The following MYO16 variants were observed in gnomAD, a reference collection of about 807,000 sequenced individuals.
MYO16 encodes the protein myosin XVI.
Under a neutral mutation model 205.3 loss-of-function variants are expected in MYO16, and 94 were observed. The ratio of observed to expected loss-of-function variants is 0.46; its 90% CI spans 0.39 to 0.54. The LOEUF (loss-of-function observed/expected upper bound fraction) is 0.54. MYO16 is among the 20% of genes least tolerant of loss of function. MYO16 has a pLI of 0.00. For missense variants in MYO16, 2,315 were observed against 2,387.5 expected, an observed-to-expected ratio of 0.97 and a Z score of 0.63; for synonymous variants, 988 against 954.0, an observed-to-expected ratio of 1.04 and a Z score of -0.66.
intron 23 of MYO16, among the ~76,000 whole-genome samples, chr13:109,037,612 A>G (rs866744068): frequency 2.0e-5 from 3 of 152,166 alleles, no homozygotes; most frequent in South Asian, 4.1e-4. Flanking sequence ...AGTAAAAACT[A>G]TGCAAAGGTA....
At chr13:108,817,715 AC>A (rs1875705792) in intron 7 of MYO16, among the ~76,000 whole-genome samples, 1 of 152,208 alleles carries the variant, frequency 6.6e-6, no homozygotes, top group African/African-American at 2.4e-5. Flanking sequence ...AGTGTCCAGC[AC>A]AACACAGTTG....
rs188158778 is a variant in MYO16, at chr13:108,677,762, G to T, written c.292+11613G>T. ...GCAAAACATGAAATCTGTCATTTCT[G>T]TCTCTTCACCATCAAGTTTTGATTA... On this transcript the variant is annotated intron_variant, in intron 2 of 34. Transcript: ENST00000457511. Among the ~76,000 whole-genome samples, 238 of 152,168 alleles carry T rather than the reference G, an allele frequency of 1.6e-3. 1 individual carries two copies. Among genetic ancestry groups the T allele is most frequent in the African/African-American group, 5.2e-3 (218 of 41,524 alleles).
chr13:108,953,890 G>A (rs1942680258), intron 16 of MYO16, among the ~76,000 whole-genome samples: 1 of 152,122 alleles, frequency 6.6e-6, no homozygotes, highest in Non-Finnish European at 1.5e-5. Context: ...TTTATGACAA[G>A]TTTTCTGGCT....
At chr13:109,059,075 G>T (rs192094424) in intron 27 of MYO16, among the ~76,000 whole-genome samples, 253 of 152,066 alleles carry the variant, frequency 1.7e-3, no homozygotes, top group Non-Finnish European at 2.9e-3. Context: ...TTCTATTGTT[G>T]TTTCCACCAC....
the MYO16 span, among the ~76,000 whole-genome samples, chr13:108,522,070 A>T: frequency 6.6e-6 from 1 of 152,192 alleles, no homozygotes; most frequent in East Asian, 1.9e-4. Context: ...GTGAAAACAA[A>T]TTGAAGGTCA....
intron 16 of MYO16, among the ~76,000 whole-genome samples, chr13:108,944,997 A>G (rs1263837000): frequency 6.6e-6 from 1 of 152,200 alleles, no homozygotes; most frequent in Non-Finnish European, 1.5e-5. Context: ...CTCTGAGTCA[A>G]CAAACATATT....
At chr13:109,000,810 A>T (rs1885187373) in intron 21 of MYO16, among the ~76,000 whole-genome samples, 1 of 152,070 alleles carries the variant, frequency 6.6e-6, no homozygotes, top group African/African-American at 2.4e-5. Flanking sequence ...TTCAATCCTG[A>T]TCTTAGCATA....
intron 1 of MYO16, among the ~76,000 whole-genome samples, chr13:108,601,948 T>G (rs9301307): frequency 0.36 from 55,353 of 151,794 alleles, 11,396 homozygotes; most frequent in Non-Finnish European, 0.46. Context: ...ATTCATATGT[T>G]GAACCGAAAT....
intron 20 of MYO16, among the ~76,000 whole-genome samples, chr13:108,987,155 A>T (rs1884669714): frequency 6.6e-6 from 1 of 152,218 alleles, no homozygotes; most frequent in South Asian, 2.1e-4. Flanking sequence ...GGAAAGGTGC[A>T]GGGAATGACT....
chr13:109,057,184 C>T (rs896630747), intron 27 of MYO16, among the ~76,000 whole-genome samples: 4 of 152,000 alleles, frequency 2.6e-5, no homozygotes, highest in South Asian at 2.1e-4. Flanking sequence ...GGAAATAAGC[C>T]GCATTTACTT....
intron 27 of MYO16, among the ~76,000 whole-genome samples, chr13:109,083,358 G>C (rs1334372718): frequency 8.6e-6 from 1 of 116,472 alleles, no homozygotes; most frequent in East Asian, 2.8e-4. Flanking sequence ...ACTCCAGCCT[G>C]GGCAAAAAGA....
chr13:109,194,135 C>G (rs1880046458), intron 34 of MYO16, among the ~76,000 whole-genome samples: 1 of 152,104 alleles, frequency 6.6e-6, no homozygotes, highest in Admixed American at 6.6e-5. Context: ...TTTTTATGCA[C>G]TTATGTCTTG....
chr13:108,896,246 A>G (rs989006193), intron 14 of MYO16, among the ~76,000 whole-genome samples: 3 of 152,198 alleles, frequency 2.0e-5, no homozygotes, highest in Admixed American at 1.3e-4. Context: ...ATAATTGTTT[A>G]ATGTAATATT....
At chr13:109,168,437 C>A (rs1455592562) in intron 33 of MYO16, among the ~76,000 whole-genome samples, 1 of 152,010 alleles carries the variant, frequency 6.6e-6, no homozygotes, top group Non-Finnish European at 1.5e-5. Flanking sequence ...AAAATTACAT[C>A]TCTAGGCCAG....
At chr13:109,163,270 G>A (rs117327497) in intron 32 of MYO16, among the ~76,000 whole-genome samples, 1,555 of 152,246 alleles carry the variant, frequency 0.01, 8 homozygotes, top group South Asian at 0.037. Flanking sequence ...TGCGGGAGAG[G>A]GCTTGAGTGC....
intron 32 of MYO16, among the ~76,000 whole-genome samples, chr13:109,148,944 T>A (rs1160509675): frequency 6.6e-6 from 1 of 152,102 alleles, no homozygotes; most frequent in African/African-American, 2.4e-5. Context: ...GACATGAAAC[T>A]TCAGGGTGTG....
chr13:108,555,298 A>AT, the MYO16 span, among the ~76,000 whole-genome samples: 2 of 152,308 alleles, frequency 1.3e-5, no homozygotes, highest in Non-Finnish European at 2.9e-5. Context: ...TTTTTAAAAC[A>AT]TTTTTTAAAA....
chr13:109,108,101 T>C (rs909892339), intron 28 of MYO16, among the ~76,000 whole-genome samples: 7 of 152,206 alleles, frequency 4.6e-5, no homozygotes, highest in African/African-American at 1.4e-4. Flanking sequence ...ATTTGATCCT[T>C]ACTCAGTGTG....
chr13:109,110,924 G>A (rs1291838718), intron 28 of MYO16, among the ~76,000 whole-genome samples: 1 of 152,178 alleles, frequency 6.6e-6, no homozygotes, highest in African/African-American at 2.4e-5. Context: ...CTGGTATGAA[G>A]AAGGTGCTTG....
Sources: allele counts gnomAD v4.1 joint callset (sites outside exome capture counted in the v4.1 genomes callset), GRCh38; gene constraint gnomAD v4.1.1; transcripts MANE v1.5; gene names NCBI Gene and HGNC (gene_info 2026-07-23, HGNC 2026-07-21).